FOXP1: variants seen among roughly 807,000 people sequenced by gnomAD.
FOXP1 encodes forkhead box protein P1.
A neutral mutation model predicts 98.2 loss-of-function variants in FOXP1; 15 were observed. The observed-to-expected ratio is 0.15, with a 90% CI of 0.10 to 0.24. The LOEUF is 0.24. Ranked by LOEUF, FOXP1 falls within the 10% of genes least tolerant of loss-of-function variation. The pLI is 1.00. For missense variants in FOXP1, 633 were observed against 848.5 expected (o/e 0.75, Z 3.15); for synonymous variants, 371 against 314.5 (o/e 1.18, Z -1.90).
chr3:71,016,680 CACACACACACAT>C (rs1302367635), intron 11 of FOXP1, among the ~76,000 whole-genome samples: 1 of 151,042 alleles, frequency 6.6e-6, no homozygotes, highest in African/African-American at 2.5e-5. Context: ...CACACACACA[CACACACACACAT>C]GCATACACAC....
intron 2 of FOXP1, among the ~76,000 whole-genome samples, chr3:71,527,286 C>T (rs1436736749): frequency 6.6e-6 from 1 of 152,160 alleles, no homozygotes; most frequent in Non-Finnish European, 1.5e-5. Flanking sequence ...GTTAACAATG[C>T]CTAATGATTC....
At position 70,975,972 on chromosome 3, in the gene FOXP1, G is replaced by A. The variant is rs549465622; in HGVS notation, c.1530+969C>T. Among the ~76,000 whole-genome samples the A allele has an allele frequency of 2.0e-5, 3 of 151,848 alleles. No individual in the cohort carries two copies. The East Asian group carries it at 5.8e-4, about 29-fold the overall frequency. On this transcript the variant is annotated intron_variant, in intron 17 of 20. Transcript: ENST00000649528. ...CTATGCAATTTGACTTGTTTTTACA[G>A]CAAATAGTATTATAATGAATATAAT... is the stretch of plus-strand genomic sequence containing the variant.
At chr3:71,486,454 C>T (rs1012259105) in intron 3 of FOXP1, among the ~76,000 whole-genome samples, 4 of 152,122 alleles carry the variant, frequency 2.6e-5, no homozygotes, top group African/African-American at 4.8e-5. Context: ...TCAGAACAGG[C>T]CTGCTGTTTC....
intron 2 of FOXP1, among the ~76,000 whole-genome samples, chr3:71,497,170 G>A (rs73837362): frequency 0.28 from 42,028 of 151,022 alleles, 6,175 homozygotes; most frequent in Non-Finnish European, 0.33. Flanking sequence ...AAACAAAAAA[G>A]AAAAGAAAAA....
intron 2 of FOXP1, among the ~76,000 whole-genome samples, chr3:71,531,377 T>TA (rs1277631364): frequency 6.6e-6 from 1 of 152,198 alleles, no homozygotes; most frequent in Non-Finnish European, 1.5e-5. Flanking sequence ...TGGCTCCAGT[T>TA]ACAGCTGTAA....
At chr3:71,191,454 C>A (rs1160691614) in intron 6 of FOXP1, among the ~76,000 whole-genome samples, 3 of 152,200 alleles carry the variant, frequency 2.0e-5, no homozygotes, top group Non-Finnish European at 4.4e-5. Flanking sequence ...ACACTTCACT[C>A]ATAATGAAAT....
At chr3:71,554,038 A>G (rs1559524099) in intron 2 of FOXP1, among the ~76,000 whole-genome samples, 1 of 151,770 alleles carries the variant, frequency 6.6e-6, no homozygotes, top group East Asian at 1.9e-4. Context: ...TTTTACCACA[A>G]TATGTTCTCC....
At chr3:71,465,968 C>A (rs896595521) in intron 3 of FOXP1, among the ~76,000 whole-genome samples, 4 of 152,168 alleles carry the variant, frequency 2.6e-5, no homozygotes, top group African/African-American at 9.7e-5. Context: ...ACAGTTTCAT[C>A]TGGAAACCAC....
At chr3:71,550,217 T>C (rs1395371705) in intron 2 of FOXP1, among the ~76,000 whole-genome samples, 1 of 152,210 alleles carries the variant, frequency 6.6e-6, no homozygotes, top group Non-Finnish European at 1.5e-5. Flanking sequence ...CTCATCTCCA[T>C]GATCCCCACC....
At chr3:71,348,580 T>C (rs1458366375) in intron 4 of FOXP1, among the ~76,000 whole-genome samples, 1 of 149,996 alleles carries the variant, frequency 6.7e-6, no homozygotes, top group African/African-American at 2.4e-5. Context: ...TGCATGTGTG[T>C]ATAAGTCACA....
chr3:71,231,898 T>C (rs2066318900), intron 5 of FOXP1, among the ~76,000 whole-genome samples: 2 of 152,258 alleles, frequency 1.3e-5, no homozygotes, highest in Non-Finnish European at 2.9e-5. Flanking sequence ...ACTTCAACGT[T>C]ATCTCCTGTA....
At chr3:71,014,613 A>G (rs1230425139) in intron 12 of FOXP1, among the ~76,000 whole-genome samples, 1 of 152,158 alleles carries the variant, frequency 6.6e-6, no homozygotes. Flanking sequence ...AACTAGAAAT[A>G]CCATTTGACC....
intron 3 of FOXP1, among the ~76,000 whole-genome samples, chr3:71,467,439 C>T (rs2088885566): frequency 6.6e-6 from 1 of 152,050 alleles, no homozygotes; most frequent in Non-Finnish European, 1.5e-5. Context: ...GGAATCTCCC[C>T]AAAAAGAAAT....
rs915154314 is a variant in FOXP1, at chr3:71,357,912, T to A, written c.-73+1238A>T. 2.0e-5 allele frequency among the ~76,000 whole-genome samples: 3 copies of A among 151,752 alleles called. No homozygotes were observed. The South Asian group carries it at 6.2e-4, about 31-fold the overall frequency. On this transcript the variant is annotated intron_variant, in intron 4 of 20. Coordinates refer to ENST00000649528, the MANE Select transcript of FOXP1 (RefSeq NM_001349338.3). Reference sequence around the variant, plus strand: ...ACAATTCTTAACTAATATAATGACATGAAAACATATCTAAAGATGACACTA... The same window carrying A: ...ACAATTCTTAACTAATATAATGACAAGAAAACATATCTAAAGATGACACTA...
intron 2 of FOXP1, among the ~76,000 whole-genome samples, chr3:71,579,229 C>T (rs543047332): frequency 6.6e-6 from 1 of 150,976 alleles, no homozygotes; most frequent in Admixed American, 6.6e-5. Flanking sequence ...ATAGTTTATC[C>T]CAGAAAAAAA....
At chr3:71,256,911 T>C (rs1576620004) in intron 5 of FOXP1, among the ~76,000 whole-genome samples, 1 of 152,322 alleles carries the variant, frequency 6.6e-6, no homozygotes, top group Middle Eastern at 3.4e-3. Flanking sequence ...ACTTCCTATA[T>C]ACTGGGACTG....
At chr3:71,310,354 T>C (rs2074596258) in intron 4 of FOXP1, among the ~76,000 whole-genome samples, 1 of 152,188 alleles carries the variant, frequency 6.6e-6, no homozygotes, top group East Asian at 1.9e-4. Flanking sequence ...ATGAATACTT[T>C]TCATGGAAAT....
intron 7 of FOXP1, among the ~76,000 whole-genome samples, chr3:71,076,785 G>A (rs943408997): frequency 1.3e-5 from 2 of 152,086 alleles, no homozygotes; most frequent in Non-Finnish European, 2.9e-5. Flanking sequence ...TGATTAACAT[G>A]ATCTCATCCA....
intron 7 of FOXP1, among the ~76,000 whole-genome samples, chr3:71,081,861 T>C (rs2054458347): frequency 6.6e-6 from 1 of 152,224 alleles, no homozygotes; most frequent in African/African-American, 2.4e-5. Flanking sequence ...CAAATGGCTA[T>C]CTAAATTTAA....
Sources: allele counts gnomAD v4.1 joint callset (sites outside exome capture counted in the v4.1 genomes callset), GRCh38; gene constraint gnomAD v4.1.1; transcripts MANE v1.5; gene names NCBI Gene and HGNC (gene_info 2026-07-23, HGNC 2026-07-21).